Variants in DCAF6 observed in about 807,000 individuals in gnomAD.
DCAF6 encodes DDB1 and CUL4 associated factor 6, also known as DDB1- and CUL4-associated factor 6.
Under a neutral mutation model 125.1 loss-of-function variants are expected in DCAF6, and 54 were observed. That is an observed-to-expected ratio of 0.43 (90% CI 0.35 to 0.54). The LOEUF is 0.54. Among genes scored for constraint, DCAF6 ranks in the 20% least tolerant of loss-of-function variants. The pLI is 0.01. For synonymous variants in DCAF6, 371 were observed against 390.4 expected (o/e 0.95, Z 0.58); for missense variants, 934 against 1,161.7 (o/e 0.80, Z 2.85).
the DCAF6 span, among the ~76,000 whole-genome samples, chr1:167,925,107 C>T: frequency 3.9e-5 from 6 of 152,062 alleles, no homozygotes; most frequent in Admixed American, 3.3e-4. Flanking sequence ...TTCTGTCTTC[C>T]ACAATTTAAC....
At chr1:168,002,221 T>C (rs949056150) in intron 7 of DCAF6, among the ~76,000 whole-genome samples, 1 of 152,190 alleles carries the variant, frequency 6.6e-6, no homozygotes, top group Non-Finnish European at 1.5e-5. Context: ...AAATCACATA[T>C]ACATGATTTC....
upstream of DCAF6, among the ~76,000 whole-genome samples, chr1:167,933,281 C>T (rs1233890006): frequency 6.6e-6 from 1 of 151,928 alleles, no homozygotes; most frequent in East Asian, 1.9e-4. Flanking sequence ...GATTCTCCCG[C>T]CTCAGCCTCC....
At chr1:167,903,787 G>C in the DCAF6 span, 2 of 820,402 alleles carry the variant, frequency 2.4e-6, no homozygotes, top group Non-Finnish European at 4.3e-6. Flanking sequence ...GGAAGAGGAG[G>C]AGTGCTAAGC....
intron 21 of DCAF6, among the ~76,000 whole-genome samples, chr1:168,072,294 T>TAAAAAAAAAAAAAAAAAAAAAAAAAAAA (rs59674650): frequency 2.4e-5 from 1 of 41,016 alleles, no homozygotes; most frequent in African/African-American, 8.2e-5. Flanking sequence ...AGAATCAGTC[T>TAAAAAAAAAAAAAAAAAAAAAAAAAAAA]AAAAAAAAAA....
chr1:167,932,982 G>A (rs1670953660), upstream of DCAF6, among the ~76,000 whole-genome samples: 1 of 151,916 alleles, frequency 6.6e-6, no homozygotes, highest in Admixed American at 6.6e-5. Flanking sequence ...ATCCTTTTTT[G>A]TGAGTTGAGG....
chr1:167,890,932 C>T, the DCAF6 span, among the ~76,000 whole-genome samples: 1 of 152,144 alleles, frequency 6.6e-6, no homozygotes, highest in African/African-American at 2.4e-5. Flanking sequence ...AATCTCCAGA[C>T]TCCTCATCCA....
chr1:168,006,489 A>C (rs1683356883), intron 10 of DCAF6, among the ~76,000 whole-genome samples: 2 of 152,202 alleles, frequency 1.3e-5, no homozygotes, highest in South Asian at 2.1e-4. Context: ...GTTAGATGTA[A>C]CATCTGAAGG....
the DCAF6 span, chr1:167,905,149 C>CA: frequency 6.2e-7 from 1 of 1,614,162 alleles, no homozygotes. Flanking sequence ...ATGTTCAAGA[C>CA]AAATGTTCAG....
At chr1:167,981,156 C>T (rs1464720462) in intron 4 of DCAF6, among the ~76,000 whole-genome samples, 1 of 152,034 alleles carries the variant, frequency 6.6e-6, no homozygotes, top group East Asian at 1.9e-4. Flanking sequence ...ATCTGCCCGT[C>T]TCCGCCTCCA....
the DCAF6 span, chr1:167,899,396 T>C: frequency 6.2e-7 from 1 of 1,612,284 alleles, no homozygotes; most frequent in Non-Finnish European, 8.5e-7. Flanking sequence ...TGGCAGAACT[T>C]TCTGTAAGTA....
chr1:167,883,739 G>C, the DCAF6 span: 13 of 958,266 alleles, frequency 1.4e-5, no homozygotes, highest in Non-Finnish European at 2.0e-5. Context: ...CCTCAGAATG[G>C]GTGAGGTACA....
chr1:167,867,370 T>C, the DCAF6 span, among the ~76,000 whole-genome samples: 1 of 152,180 alleles, frequency 6.6e-6, no homozygotes, highest in Non-Finnish European at 1.5e-5. Context: ...TCCTTAAAAT[T>C]TGGACTTGTA....
chr1:167,863,700 T>C, the DCAF6 span, among the ~76,000 whole-genome samples: 1 of 152,232 alleles, frequency 6.6e-6, no homozygotes, highest in Non-Finnish European at 1.5e-5. Flanking sequence ...ACGCGGATCC[T>C]GAGAGCTCTC....
the DCAF6 span, chr1:167,878,736 C>A: frequency 2.5e-6 from 3 of 1,202,376 alleles, no homozygotes; most frequent in Non-Finnish European, 3.6e-6. Flanking sequence ...ACCCTTTACT[C>A]CCTTTGCTGT....
chr1:168,013,520 T>C (rs1451209734), intron 10 of DCAF6, among the ~76,000 whole-genome samples: 1 of 152,216 alleles, frequency 6.6e-6, no homozygotes, highest in Non-Finnish European at 1.5e-5. Flanking sequence ...GCATATTTTC[T>C]GCCTCCCTTT....
chr1:167,866,459 T>C, the DCAF6 span, among the ~76,000 whole-genome samples: 2 of 148,602 alleles, frequency 1.3e-5, no homozygotes, highest in East Asian at 2.0e-4. Context: ...TTTTCATGAG[T>C]TGAAAGAAAA....
At chr1:167,997,170 T>C (rs1266781614) in intron 7 of DCAF6, among the ~76,000 whole-genome samples, 1 of 152,202 alleles carries the variant, frequency 6.6e-6, no homozygotes, top group Non-Finnish European at 1.5e-5. Context: ...TTATTTCACA[T>C]ACTCAGAAAG....
intron 2 of DCAF6, among the ~76,000 whole-genome samples, chr1:167,955,513 C>T (rs920318176): frequency 1.7e-4 from 26 of 151,552 alleles, no homozygotes; most frequent in Admixed American, 5.9e-4. Context: ...TTTCCTGCCC[C>T]GTTAATTTTT....
chr1:168,067,099 T>TATTTGTGGGTTCTC (rs1692435510), intron 20 of DCAF6, among the ~76,000 whole-genome samples: 1 of 152,222 alleles, frequency 6.6e-6, no homozygotes, highest in South Asian at 2.1e-4. Flanking sequence ...CCAGGGTTTT[T>TATTTGTGGGTTCTC]ATTTGTGGGT....
Sources: gnomAD v4.1 joint callset for allele counts (sites outside exome capture counted in the v4.1 genomes callset) on GRCh38, gnomAD v4.1.1 for gene constraint, MANE v1.5 for transcripts, NCBI Gene and HGNC (gene_info 2026-07-23, HGNC 2026-07-21) for gene names.